ATP10A: variants seen among roughly 807,000 people sequenced by gnomAD.
The protein encoded by ATP10A is ATPase phospholipid transporting 10A (putative).
In ATP10A, 111 loss-of-function variants were observed where a neutral mutation model predicts 147.8. The ratio of observed to expected loss-of-function variants is 0.75; its 90% CI spans 0.64 to 0.88. The LOEUF is 0.88. Ranked by LOEUF, ATP10A falls within the 40% of genes least tolerant of loss-of-function variation. ATP10A has a pLI of 0.00. For missense variants in ATP10A, 1,927 were observed against 1,959.0 expected, an observed-to-expected ratio of 0.98 and a Z score of 0.31; for synonymous variants, 875 against 841.6, an observed-to-expected ratio of 1.04 and a Z score of -0.69.
At chr15:25,859,478 A>T (rs896166885) in intron 1 of ATP10A, among the ~76,000 whole-genome samples, 1 of 152,096 alleles carries the variant, frequency 6.6e-6, no homozygotes, top group Non-Finnish European at 1.5e-5. Context: ...CCATATGATC[A>T]GAGGGGCTTC....
intron 1 of ATP10A, among the ~76,000 whole-genome samples, chr15:25,818,039 A>G (rs929954844): frequency 3.3e-5 from 5 of 152,094 alleles, no homozygotes; most frequent in African/African-American, 9.7e-5. Flanking sequence ...TCACTATACA[A>G]TCCCCCCACT....
At chr15:25,853,767 G>C (rs1016597486) in intron 1 of ATP10A, among the ~76,000 whole-genome samples, 1 of 152,090 alleles carries the variant, frequency 6.6e-6, no homozygotes, top group Non-Finnish European at 1.5e-5. Flanking sequence ...GGCTTCAAAG[G>C]CCACTGAAAG....
chr15:25,778,412 T>C (rs1289240165), intron 2 of ATP10A, among the ~76,000 whole-genome samples: 1 of 151,370 alleles, frequency 6.6e-6, no homozygotes, highest in Non-Finnish European at 1.5e-5. Context: ...TTACTTTCAG[T>C]GGGGTGGTTC....
chr15:25,859,418 G>A lies in ATP10A; in HGVS notation c.449+3230C>T, dbSNP rs561180719. 3.9e-4 allele frequency among the ~76,000 whole-genome samples: 60 copies of A among 152,260 alleles called. No individual in the cohort carries two copies. In the East Asian group the frequency reaches 6.8e-3, roughly 17 times the overall value. On this transcript the variant is annotated intron_variant, in intron 1 of 20. Transcript: ENST00000555815. ...GCAGGCAGCCCCTTTCTTCCCACCC[G>A]GGGCTGTGGGAAGATGGCTTCTCTG... is the stretch of plus-strand genomic sequence containing the variant.
At position 25,770,422 on chromosome 15, in the gene ATP10A, G is replaced by A. The variant is rs1596852865; in HGVS notation, c.654+10597C>T. Reference sequence around the variant, plus strand: ...TCACTTGGACCCCAGCAGGCCAAGGGGCTGACTCCCTCTGAGTCTCAGTGG... The same window carrying A: ...TCACTTGGACCCCAGCAGGCCAAGGAGCTGACTCCCTCTGAGTCTCAGTGG... On this transcript the variant is annotated intron_variant, in intron 2 of 20. Coordinates refer to ENST00000555815, the MANE Select transcript of ATP10A (RefSeq NM_024490.4). 6.6e-5 allele frequency among the ~76,000 whole-genome samples: 10 copies of A among 152,276 alleles called. No individual in the cohort carries two copies. In the South Asian group the frequency reaches 2.1e-3, roughly 32 times the overall value.
intron 18 of ATP10A, 36 bp from the exon 19 acceptor site, chr15:25,680,950 C>A (rs369411882): frequency 3.1e-4 from 499 of 1,613,320 alleles, no homozygotes; most frequent in Non-Finnish European, 4.1e-4. Context: ...TGTAGGTCCC[C>A]GGATCCAGCT....
intron 2 of ATP10A, among the ~76,000 whole-genome samples, chr15:25,758,900 T>C (rs975716724): frequency 1.1e-4 from 15 of 137,022 alleles, no homozygotes; most frequent in African/African-American, 3.4e-4. Context: ...CTCATTCTGA[T>C]CACCTGCTCC....
chr15:25,794,729 G>A (rs534004361), intron 1 of ATP10A, among the ~76,000 whole-genome samples: 1 of 152,196 alleles, frequency 6.6e-6, no homozygotes, highest in Non-Finnish European at 1.5e-5. Flanking sequence ...TAACAAGGCT[G>A]AAACGCAGAA....
At chr15:25,819,983 T>G (rs1483247533) in intron 1 of ATP10A, among the ~76,000 whole-genome samples, 2 of 152,134 alleles carry the variant, frequency 1.3e-5, no homozygotes, top group African/African-American at 4.8e-5. Context: ...TATATACATG[T>G]GGTAGATACA....
intron 1 of ATP10A, among the ~76,000 whole-genome samples, chr15:25,815,196 C>T (rs1446544619): frequency 6.6e-6 from 1 of 152,092 alleles, no homozygotes; most frequent in Non-Finnish European, 1.5e-5. Context: ...AAAACAAAAC[C>T]ACAAATAAAT....
intron 1 of ATP10A, among the ~76,000 whole-genome samples, chr15:25,825,127 G>A (rs1364758836): frequency 1.3e-5 from 2 of 152,194 alleles, no homozygotes; most frequent in East Asian, 3.9e-4. Context: ...TGACCAGGCT[G>A]CTTTTCCCTG....
intron 1 of ATP10A, among the ~76,000 whole-genome samples, chr15:25,827,709 A>G (rs1054448821): frequency 6.6e-6 from 1 of 152,236 alleles, no homozygotes; most frequent in African/African-American, 2.4e-5. Context: ...TTGACAAAAA[A>G]GGCGGCAGTA....
At chr15:25,822,428 C>T (rs926548799) in intron 1 of ATP10A, among the ~76,000 whole-genome samples, 1 of 152,142 alleles carries the variant, frequency 6.6e-6, no homozygotes, top group African/African-American at 2.4e-5. Context: ...ATTGATCTGA[C>T]CTATGCTTTG....
chr15:25,853,506 T>C (rs1893377100), intron 1 of ATP10A, among the ~76,000 whole-genome samples: 1 of 152,192 alleles, frequency 6.6e-6, no homozygotes, highest in Non-Finnish European at 1.5e-5. Flanking sequence ...AGGACCTTCC[T>C]GGGCAGGTGG....
intron 2 of ATP10A, among the ~76,000 whole-genome samples, chr15:25,775,414 C>T (rs1334034869): frequency 1.3e-5 from 2 of 152,220 alleles, no homozygotes; most frequent in African/African-American, 2.4e-5. Flanking sequence ...CCAGGCCCCC[C>T]AGGGACTGGT....
intron 16 of ATP10A, 108 bp downstream of exon 16, chr15:25,687,595 T>G: frequency 9.0e-6 from 6 of 666,160 alleles, no homozygotes; most frequent in Non-Finnish European, 1.1e-5. Flanking sequence ...ATGGAGCAGG[T>G]TGTCCATGGC....
chr15:25,803,342 C>T lies in ATP10A; in HGVS notation c.450-22119G>A, dbSNP rs535539299. ...ATCTGTTGGTTCTGCTGAGCACACA[C>T]CAGGTGCTAAGGATACAGTGGGGCA... On this transcript the variant is annotated intron_variant, in intron 1 of 20. Transcript: ENST00000555815. Among the ~76,000 whole-genome samples, 17 of 152,362 alleles carry T rather than the reference C, an allele frequency of 1.1e-4. 2 individuals are homozygous for T. The highest frequency in any genetic ancestry group is 9.1e-4 in the Admixed American group (14 of 15,306).
intron 9 of ATP10A, among the ~76,000 whole-genome samples, chr15:25,715,237 G>C (rs1901725604): frequency 6.6e-6 from 1 of 152,174 alleles, no homozygotes; most frequent in South Asian, 2.1e-4. Flanking sequence ...CTTTTCCTTT[G>C]GTCTTGTTAT....
intron 2 of ATP10A, among the ~76,000 whole-genome samples, chr15:25,773,818 C>CCACA (rs56751876): frequency 2.3e-3 from 315 of 137,894 alleles, no homozygotes; most frequent in African/African-American, 6.7e-3. Flanking sequence ...ACCTAAACAT[C>CCACA]CACACACACA....
Sources: allele counts gnomAD v4.1 joint callset (sites outside exome capture counted in the v4.1 genomes callset), GRCh38; gene constraint gnomAD v4.1.1; transcripts MANE v1.5; gene names NCBI Gene and HGNC (gene_info 2026-07-23, HGNC 2026-07-21).